Variants in ATP2B3 observed in about 807,000 individuals in gnomAD.
The protein encoded by ATP2B3 is plasma membrane calcium-transporting ATPase 3.
ATP2B3 carries 12 observed loss-of-function variants against 70.8 expected under a neutral mutation model. The observed-to-expected ratio is 0.17, with a 90% confidence interval of 0.11 to 0.27. The LOEUF is 0.27. Ranked by LOEUF, ATP2B3 falls within the 10% of genes least tolerant of loss-of-function variation. The pLI, the probability that ATP2B3 is intolerant of heterozygous loss-of-function variation, is 1.00. For missense variants in ATP2B3, 858 were observed against 1,118.5 expected, an observed-to-expected ratio of 0.77 and a Z score of 3.32; for synonymous variants, 460 against 497.8, an observed-to-expected ratio of 0.92 and a Z score of 1.01.
Position 153,582,432 on chromosome X carries a change from G to A in ATP2B3, c.*2134G>A, listed in dbSNP as rs186944115. 4.4e-5 allele frequency: 5 copies of A among 112,748 alleles called. No individual in the cohort carries two copies. The East Asian group carries it at 1.4e-3, about 31-fold the overall frequency. 9.3% of individuals were successfully genotyped at this position (112,748 alleles called of 1,213,427 possible). On this transcript the variant is annotated 3_prime_UTR_variant, in exon 22 of 22. Transcript: ENST00000263519. ...TGTTCTTCAATGAGAAATCAAATTT[G>A]AGACGTTGAAATTGGAGCTGCGTGC...
chrX:153,537,275 C>T (rs2090206344), intron 3 of ATP2B3, among the ~76,000 whole-genome samples: 1 of 113,523 alleles, frequency 8.8e-6, no homozygotes, highest in Admixed American at 9.2e-5. Context: ...TTCTCTGGCG[C>T]TGCGTGCCTG....
At chrX:153,579,502 T>C (rs1436774932) in intron 21 of ATP2B3, among the ~76,000 whole-genome samples, 1 of 111,904 alleles carries the variant, frequency 8.9e-6, no homozygotes, top group Non-Finnish European at 1.9e-5. Flanking sequence ...CTCACCAGCA[T>C]TCTCTCCTTT....
intron 13 of ATP2B3, among the ~76,000 whole-genome samples, chrX:153,555,579 C>T (rs2090521761): frequency 8.9e-6 from 1 of 111,886 alleles, no homozygotes; most frequent in Non-Finnish European, 1.9e-5. Flanking sequence ...TTCCCTGTCC[C>T]CCCACCACTG....
chrX:153,560,093 G>A (rs1396377321), intron 18 of ATP2B3, 151 bp downstream of exon 18: 1 of 615,716 alleles, frequency 1.6e-6, no homozygotes, highest in Non-Finnish European at 2.5e-6. Context: ...ACAGGGGAAG[G>A]AGCAGATGGG....
rs781999260 is a variant in ATP2B3 at position 153,580,258 on chromosome X, G to T, written c.3623G>T (p.Ser1208Ile). 1 of 1,207,319 alleles carries T rather than the reference G, an allele frequency of 8.3e-7. No homozygotes were observed. The highest frequency in any genetic ancestry group is 2.2e-5 in the Admixed American group (1 of 45,346). Residue 1208 changes from serine to isoleucine, a missense_variant, in exon 22 of 22, where the codon AGT becomes ATT. By Grantham distance (142) the Ser-to-Ile change is moderately radical. Coordinates refer to ENST00000263519, the MANE Select transcript of ATP2B3 (RefSeq NM_001001344.3). ...GCTACCTCTTCAGTGTTTTCCTCCA[G>T]TCCCGGGAGCCCGCTCCACAGCGTG... ...KSATSSVFSS[S>I]PGSPLHSVET...
rs782715889 is a variant in ATP2B3 at position 153,560,822 on chromosome X, G to C, written c.2986G>C (p.Val996Leu). 3.6e-5 allele frequency: 44 copies of C among 1,210,475 alleles called. No homozygotes were observed. Among genetic ancestry groups the C allele is most frequent in the Non-Finnish European group, 4.8e-5 (43 of 895,337 alleles). ...NARKIHGERN[V>L]FDGIFSNPIF... The stretch of plus-strand genomic sequence containing the variant: ...CCGCAAGATCCACGGCGAGAGGAAC[G>C]TGTTCGACGGCATCTTCAGCAACCC... The change falls in exon 19 of 22, where the codon GTG (valine) becomes CTG (leucine). Residue 996 changes from valine to leucine, a missense_variant. Coordinates refer to ENST00000263519, the MANE Select transcript of ATP2B3 (RefSeq NM_001001344.3).
At position 153,543,111 on chromosome X, in the gene ATP2B3, A is replaced by G; in HGVS notation, c.859A>G (p.Ile287Val). ...TAVGVNSQTG[I>V]IFTLLGAGGE... ...CGTTGGCGTGAATTCCCAGACAGGC[A>G]TCATCTTCACGCTGCTTGGAGCTGG... is the stretch of plus-strand genomic sequence containing the variant. Residue 287 changes from isoleucine (I) to valine (V), a missense_variant, in exon 7 of 22, where the codon ATC (isoleucine) becomes GTC (valine). Physicochemically the swap from Ile to Val is conservative, Grantham distance 29 (BLOSUM62 3). Around this residue, in one of 5 missense-constraint regions of ATP2B3, gnomAD observed 278 missense variants for 366.2 expected, o/e 0.76. Coordinates refer to ENST00000263519, the MANE Select transcript of ATP2B3 (RefSeq NM_001001344.3). The G allele has an allele frequency of 2.5e-6, 3 of 1,212,352 alleles. No individual in the cohort carries two copies. The highest frequency in any genetic ancestry group is 3.5e-5 in the South Asian group (2 of 57,013).
chrX:153,580,571 G>A lies in ATP2B3; in HGVS notation c.*273G>A. On this transcript the variant is annotated 3_prime_UTR_variant, in exon 22 of 22. Coordinates refer to ENST00000263519, the MANE Select transcript of ATP2B3 (RefSeq NM_001001344.3). ...AGGAGGACAAAAAGGGGGAGGAGAA[G>A]GTTCTTCGTCCAAAGGAGGAAGGAG... is the stretch of plus-strand genomic sequence containing the variant. The A allele has an allele frequency of 3.1e-6, 1 of 325,643 alleles. No individual in the cohort carries two copies. The highest frequency in any genetic ancestry group is 4.5e-5 in the East Asian group (1 of 22,264). 26.8% of individuals were successfully genotyped at this position (325,643 alleles called of 1,213,427 possible).
At chrX:153,573,704 T>C (rs2090820494) in intron 21 of ATP2B3, among the ~76,000 whole-genome samples, 1 of 112,692 alleles carries the variant, frequency 8.9e-6, no homozygotes, top group Non-Finnish European at 1.9e-5. Context: ...TCAAGACTAA[T>C]TGGAGGTCCC....
rs782604797 is a variant in ATP2B3, at chrX:153,542,952, G to A, written c.791-91G>A. 119 of 1,080,194 alleles carry A rather than the reference G, an allele frequency of 1.1e-4. No individual in the cohort carries two copies. The African/African-American group carries it at 1.5e-3, about 14-fold the overall frequency. The allele number at this position is 1,080,194 out of a possible 1,213,427, so 89.0% of individuals were successfully genotyped here. ...AGGTGGACACCGCGTCCCTGCTTCC[G>A]GGAGACCCTGGGAGACAGGTTGTGG... is the stretch of plus-strand genomic sequence containing the variant. On this transcript the variant is annotated intron_variant, in intron 6 of 21. Transcript: ENST00000263519.
chrX:153,542,022 C>T (rs1028344975), intron 5 of ATP2B3, 96 bp downstream of exon 5: 367 of 1,044,405 alleles, frequency 3.5e-4, no homozygotes, highest in Non-Finnish European at 4.3e-4. Flanking sequence ...AGGTTCTCCC[C>T]GGTGGCCTGC....
chrX:153,580,092 A>G lies in ATP2B3; in HGVS notation c.3457A>G (p.Thr1153Ala), dbSNP rs782211467. The G allele has an allele frequency of 2.9e-5, 35 of 1,210,184 alleles. No homozygotes were observed. The African/African-American group carries it at 5.3e-4, about 18-fold the overall frequency. Residue 1153 changes from threonine to alanine, a missense_variant, in exon 22 of 22, where the codon ACC becomes GCC. Transcript: ENST00000263519. ...GCCCGAGTTTCTGATCAATGACTAC[A>G]CCCACAACATCCCGCTCATTGACGA... Reference protein sequence around the residue: ...ATPEFLINDYTHNIPLIDDTD... With the variant: ...ATPEFLINDYAHNIPLIDDTD...
At chrX:153,564,520 G>C (rs782430452) in intron 20 of ATP2B3, among the ~76,000 whole-genome samples, 1 of 113,017 alleles carries the variant, frequency 8.8e-6, no homozygotes, top group African/African-American at 3.2e-5. Flanking sequence ...TTGCTGCACC[G>C]CGTTCCACTC....
At chrX:153,559,998 G>C in intron 18 of ATP2B3, 56 bp downstream of exon 18, 1 of 1,119,085 alleles carries the variant, frequency 8.9e-7, no homozygotes, top group Non-Finnish European at 1.2e-6. Context: ...CACCACCTCG[G>C]GCTCAGATTC....
chrX:153,534,987 C>G (rs2090169519), intron 2 of ATP2B3, among the ~76,000 whole-genome samples: 1 of 112,525 alleles, frequency 8.9e-6, no homozygotes, highest in African/African-American at 3.2e-5. Context: ...GACGGGGGTT[C>G]AGGGCCCTGC....
intron 2 of ATP2B3, among the ~76,000 whole-genome samples, chrX:153,529,111 T>C (rs2090076164): frequency 8.9e-6 from 1 of 112,604 alleles, no homozygotes; most frequent in Non-Finnish European, 1.9e-5. Flanking sequence ...GGCCAGGCTT[T>C]CCCCAGGTGA....
chrX:153,546,245 AC>A, intron 8 of ATP2B3, 116 bp downstream of exon 8: 1 of 912,556 alleles, frequency 1.1e-6, no homozygotes, highest in East Asian at 3.3e-5. Context: ...ACACTTGGAG[AC>A]CAGGTGAGTG....
rs1557009428 is a variant in ATP2B3 at position 153,547,932 on chromosome X, A to G, written c.1056A>G (p.Ala352=). The G allele has an allele frequency of 8.3e-7, 1 of 1,209,756 alleles. No individual in the cohort carries two copies. The highest frequency in any genetic ancestry group is 1.7e-5 in the African/African-American group (1 of 57,246). ...MEEREKKKAN[A]PKKEKSVLQG... is the part of the protein sequence containing the mutation. ...AGCGGGAGAAGAAGAAAGCCAACGC[A>G]CCCAAAAAGGAGAAGTCTGTCCTTC... Residue 352 remains alanine (A), a synonymous_variant, in exon 9 of 22, where the codon GCA becomes GCG. Coordinates refer to ENST00000263519, the MANE Select transcript of ATP2B3 (RefSeq NM_001001344.3).
chrX:153,540,429 T>C (rs782785461), intron 3 of ATP2B3, among the ~76,000 whole-genome samples: 2 of 112,362 alleles, frequency 1.8e-5, no homozygotes, highest in Non-Finnish European at 3.8e-5. Flanking sequence ...ACCGTTCTTC[T>C]TCTTTGGGTC....
Sources: gnomAD v4.1 joint callset for allele counts (sites outside exome capture counted in the v4.1 genomes callset) on GRCh38, gnomAD v4.1.1 for gene constraint, gnomAD v4.1.1 regional missense constraint, MANE v1.5 for transcripts, NCBI Gene and HGNC (gene_info 2026-07-23, HGNC 2026-07-21) for gene names.